The following CRIM1 variants were observed in gnomAD, a reference collection of about 807,000 sequenced individuals.
CRIM1 encodes cysteine rich transmembrane BMP regulator 1.
A neutral mutation model predicts 116.4 loss-of-function variants in CRIM1; 32 were observed. The ratio of observed to expected loss-of-function variants is 0.27; its 90% CI spans 0.21 to 0.37. The LOEUF (loss-of-function observed/expected upper bound fraction) is 0.37. Among genes scored for constraint, CRIM1 ranks in the 10% least tolerant of loss-of-function variants. CRIM1 has a pLI of 1.00. For missense variants in CRIM1, 1,331 were observed against 1,354.8 expected, an observed-to-expected ratio of 0.98 and a Z score of 0.28; for synonymous variants, 590 against 509.2, an observed-to-expected ratio of 1.16 and a Z score of -2.13.
At chr2:36,512,492 C>T in intron 10 of CRIM1, 98 bp downstream of exon 10, 1 of 1,321,854 alleles carries the variant, frequency 7.6e-7, no homozygotes. Flanking sequence ...TCGGTGGTTG[C>T]TGCCTATTCT....
At chr2:36,528,552 T>G (rs1324441077) in intron 13 of CRIM1, among the ~76,000 whole-genome samples, 3 of 152,208 alleles carry the variant, frequency 2.0e-5, no homozygotes, top group Admixed American at 6.5e-5. Context: ...TGATCCACTG[T>G]GATTCCTGGG....
rs184096503 is a variant in CRIM1 at position 36,402,515 on chromosome 2, A to G, written c.505+5728A>G. ...GATGATGAGATGTATGGATTTTGTGATGAGTACACAGGAAAGCCATTAAAG... is the reference window on the plus strand; with the variant it reads ...GATGATGAGATGTATGGATTTTGTGGTGAGTACACAGGAAAGCCATTAAAG... On this transcript the variant is annotated intron_variant, in intron 2 of 16. Transcript: ENST00000280527. Among the ~76,000 whole-genome samples the G allele has an allele frequency of 3.2e-3, 486 of 152,114 alleles. 6 individuals carry two copies. The Middle Eastern group carries it at 0.068, about 21-fold the overall frequency.
At chr2:36,544,550 G>C in intron 15 of CRIM1, 52 bp downstream of exon 15, 1 of 1,310,588 alleles carries the variant, frequency 7.6e-7, no homozygotes. Flanking sequence ...GGTCTACTTA[G>C]GTGTTTTCTA....
chr2:36,496,013 A>C lies in CRIM1; in HGVS notation c.1373-3206A>C, dbSNP rs145095000. On this transcript the variant is annotated intron_variant, in intron 7 of 16. Transcript: ENST00000280527. ...TTGGGAGAATGACGAAAGGCAGTAC[A>C]CTATAATGGATGACTTCAATTGAAA... is the stretch of plus-strand genomic sequence containing the variant. 5.1e-3 allele frequency among the ~76,000 whole-genome samples: 782 copies of C among 152,290 alleles called. 3 individuals are homozygous for C. The highest frequency in any genetic ancestry group is 0.017 in the African/African-American group (719 of 41,552).
At chr2:36,475,644 A>G (rs1678916218) in intron 5 of CRIM1, among the ~76,000 whole-genome samples, 1 of 152,180 alleles carries the variant, frequency 6.6e-6, no homozygotes, top group African/African-American at 2.4e-5. Context: ...AACACACCTC[A>G]TTGTCTTGTT....
intron 2 of CRIM1, among the ~76,000 whole-genome samples, chr2:36,405,947 A>G (rs975642553): frequency 1.5e-4 from 23 of 152,202 alleles, no homozygotes; most frequent in African/African-American, 5.5e-4. Flanking sequence ...TGCTTTTAAT[A>G]GAGTTGATCC....
chr2:36,425,759 A>C (rs1674399632), intron 2 of CRIM1, among the ~76,000 whole-genome samples: 2 of 152,178 alleles, frequency 1.3e-5, no homozygotes, highest in Non-Finnish European at 2.9e-5. Context: ...TAGAAGAGTT[A>C]GGTGTGAGGT....
chr2:36,437,268 C>T (rs564456186), intron 2 of CRIM1, among the ~76,000 whole-genome samples: 7 of 151,700 alleles, frequency 4.6e-5, no homozygotes, highest in Non-Finnish European at 7.4e-5. Flanking sequence ...CCAGCTACTC[C>T]GGAGGCTGAG....
chr2:36,529,944 A>G (rs1666001511), intron 13 of CRIM1, among the ~76,000 whole-genome samples: 2 of 152,238 alleles, frequency 1.3e-5, no homozygotes, highest in African/African-American at 2.4e-5. Flanking sequence ...TTTCACAGCA[A>G]TTAAGATTGA....
intron 5 of CRIM1, among the ~76,000 whole-genome samples, chr2:36,471,953 A>G (rs1325759867): frequency 6.6e-6 from 1 of 152,208 alleles, no homozygotes; most frequent in African/African-American, 2.4e-5. Flanking sequence ...TTTGAGGTGT[A>G]TCTATCACCA....
At chr2:36,493,243 G>A (rs918052) in intron 7 of CRIM1, among the ~76,000 whole-genome samples, 98,215 of 151,712 alleles carry the variant, frequency 0.65, 31,875 homozygotes, top group East Asian at 0.72. Flanking sequence ...ACCTCATCTC[G>A]AAAGAAGAAG....
chr2:36,443,270 C>A (rs771258022), intron 4 of CRIM1, among the ~76,000 whole-genome samples: 3 of 152,178 alleles, frequency 2.0e-5, no homozygotes, highest in Non-Finnish European at 4.4e-5. Context: ...GAGCCACTGT[C>A]ATTTTAACCC....
chr2:36,405,693 T>TA (rs1672727341), intron 2 of CRIM1, among the ~76,000 whole-genome samples: 1 of 152,228 alleles, frequency 6.6e-6, no homozygotes, highest in South Asian at 2.1e-4. Context: ...GAGAACATCA[T>TA]ATCTTCAAGT....
chr2:36,513,333 C>T (rs143362911), intron 10 of CRIM1: 160 of 529,600 alleles, frequency 3.0e-4, no homozygotes, highest in African/African-American at 2.6e-3. Flanking sequence ...GATCATCCCA[C>T]GAATTGGAGA....
rs372564478 is a variant in CRIM1, at chr2:36,477,514, T to A, written c.1174+443T>A. Among the ~76,000 whole-genome samples, 5 of 152,292 alleles carry A rather than the reference T, an allele frequency of 3.3e-5. No homozygotes were observed. The East Asian group carries it at 9.6e-4, about 29-fold the overall frequency. ...CAGAGAGGAACTAACTCTGCCACTG[T>A]CGTAATACCCAGGACCCTCCAGGGA... On this transcript the variant is annotated intron_variant, in intron 6 of 16. Coordinates refer to ENST00000280527, the MANE Select transcript of CRIM1 (RefSeq NM_016441.3).
intron 4 of CRIM1, among the ~76,000 whole-genome samples, chr2:36,457,330 C>T (rs576033730): frequency 6.6e-6 from 1 of 151,796 alleles, no homozygotes; most frequent in Admixed American, 6.6e-5. Context: ...TTGATTCCTC[C>T]CCCCAGAAAA....
At chr2:36,529,835 T>C (rs1212679569) in intron 13 of CRIM1, among the ~76,000 whole-genome samples, 3 of 152,182 alleles carry the variant, frequency 2.0e-5, no homozygotes, top group Non-Finnish European at 1.5e-5. Context: ...TCTTTTAACC[T>C]TTATAAATTA....
intron 10 of CRIM1, 197 bp from the exon 11 acceptor site, chr2:36,513,358 GT>G (rs888887796): frequency 2.8e-4 from 159 of 558,610 alleles, no homozygotes; most frequent in Non-Finnish European, 9.9e-5. Context: ...CTATTTGCCG[GT>G]TTTTTTCTCT....
At chr2:36,527,467 G>A (rs755851589) in intron 13 of CRIM1, among the ~76,000 whole-genome samples, 1 of 152,122 alleles carries the variant, frequency 6.6e-6, no homozygotes. Flanking sequence ...CTTGTGTTGT[G>A]ACTGTATTTC....
Sources: allele counts gnomAD v4.1 joint callset (sites outside exome capture counted in the v4.1 genomes callset), GRCh38; gene constraint gnomAD v4.1.1; transcripts MANE v1.5; gene names NCBI Gene and HGNC (gene_info 2026-07-23, HGNC 2026-07-21).